Variants in RPS6KC1 observed in about 807,000 individuals in gnomAD.
RPS6KC1 encodes the protein inactive ribosomal protein S6 kinase delta-1.
In RPS6KC1, 54 loss-of-function variants were observed where a neutral mutation model predicts 103.8. The observed-to-expected ratio is 0.52, with a 90% CI of 0.42 to 0.65. The LOEUF (loss-of-function observed/expected upper bound fraction) is 0.65, where lower values mean the gene tolerates loss of function less well. Among genes scored for constraint, RPS6KC1 ranks in the 30% least tolerant of loss-of-function variants. The pLI, the probability that RPS6KC1 is intolerant of heterozygous loss-of-function variation, is 0.00. For missense variants in RPS6KC1, 1,151 were observed against 1,253.8 expected (o/e 0.92, Z 1.24); for synonymous variants, 439 against 438.7 (o/e 1.00, Z -0.01).
the RPS6KC1 span, among the ~76,000 whole-genome samples, chr1:213,374,071 C>T: frequency 3.6e-4 from 55 of 152,236 alleles, no homozygotes; most frequent in Non-Finnish European, 6.3e-4. Flanking sequence ...AAACATAAAG[C>T]CAGGATCTTG....
intron 8 of RPS6KC1, among the ~76,000 whole-genome samples, chr1:213,177,794 C>G (rs2091972861): frequency 6.6e-6 from 1 of 151,970 alleles, no homozygotes; most frequent in Non-Finnish European, 1.5e-5. Flanking sequence ...CAGTGTCTGC[C>G]CCCTCTCTTA....
chr1:213,643,552 AT>A, the RPS6KC1 span, among the ~76,000 whole-genome samples: 2 of 151,400 alleles, frequency 1.3e-5, no homozygotes, highest in Non-Finnish European at 3.0e-5. Flanking sequence ...AATCTTTTAG[AT>A]TGTTTTGATA....
chr1:213,608,413 C>T, the RPS6KC1 span, among the ~76,000 whole-genome samples: 12 of 152,158 alleles, frequency 7.9e-5, no homozygotes, highest in African/African-American at 1.9e-4. Flanking sequence ...ATGAGGCCTC[C>T]GGGGCTGCAC....
the RPS6KC1 span, among the ~76,000 whole-genome samples, chr1:213,755,289 A>G: frequency 6.4e-4 from 98 of 152,340 alleles, no homozygotes; most frequent in South Asian, 4.8e-3. Context: ...ACCTAATGCA[A>G]CTGAAGGCTC....
At chr1:213,147,982 A>T (rs753294398) in intron 6 of RPS6KC1, among the ~76,000 whole-genome samples, 18 of 152,072 alleles carry the variant, frequency 1.2e-4, no homozygotes, top group South Asian at 1.0e-3. Flanking sequence ...TACTTTTTAA[A>T]TTTCTTTCTC....
At chr1:213,644,778 C>T in the RPS6KC1 span, among the ~76,000 whole-genome samples, 4 of 152,140 alleles carry the variant, frequency 2.6e-5, no homozygotes, top group Non-Finnish European at 5.9e-5. Context: ...CTAAATTGCT[C>T]TCATAGAAGT....
At chr1:213,426,588 T>C in the RPS6KC1 span, among the ~76,000 whole-genome samples, 478 of 152,376 alleles carry the variant, frequency 3.1e-3, 1 homozygote, top group Non-Finnish European at 4.9e-3. Context: ...TACTAATGTC[T>C]AATGACTTAA....
Position 213,165,086 on chromosome 1 carries a change from CT to C in RPS6KC1, c.836-2761del, listed in dbSNP as rs1022264648. ...ATATCCTGGAAATCTATAGAGTCAT[CT>C]TTTTTTTTTTCTGGTACTGACAAAC... On this transcript the variant is annotated intron_variant, in intron 6 of 14. Transcript: ENST00000366960. 4.7e-3 allele frequency among the ~76,000 whole-genome samples: 688 copies of C among 146,814 alleles called. 4 individuals are homozygous for C. Among genetic ancestry groups the C allele is most frequent in the African/African-American group, 0.016 (650 of 40,306 alleles).
chr1:213,129,900 A>G lies in RPS6KC1; in HGVS notation c.835+11A>G. 6.4e-7 allele frequency: 1 copy of G among 1,564,442 alleles called. No homozygotes were observed. The highest frequency in any genetic ancestry group is 8.6e-7 in the Non-Finnish European group (1 of 1,164,828). On this transcript the variant is annotated intron_variant, in intron 6 of 14. Coordinates refer to ENST00000366960, the MANE Select transcript of RPS6KC1 (RefSeq NM_012424.6). Reference sequence around the variant, plus strand: ...TAGAAGGTGTTCAAGGTATGGTTTTATGTATATTATGTTTTGGCATGCTCT... The same window carrying G: ...TAGAAGGTGTTCAAGGTATGGTTTTGTGTATATTATGTTTTGGCATGCTCT...
Position 213,157,866 on chromosome 1 carries a change from T to C in RPS6KC1, c.836-9992T>C, listed in dbSNP as rs79407541. Among the ~76,000 whole-genome samples, 104 of 152,334 alleles carry C rather than the reference T, an allele frequency of 6.8e-4. No homozygotes were observed. The East Asian group carries it at 0.018, about 27-fold the overall frequency. On this transcript the variant is annotated intron_variant, in intron 6 of 14. Coordinates refer to ENST00000366960, the MANE Select transcript of RPS6KC1 (RefSeq NM_012424.6). Reference sequence around the variant, plus strand: ...GGAGATCTGTTAGTAGATGCAGGCATGTTTATAGTTATAGTTTCCTGATTA... The same window carrying C: ...GGAGATCTGTTAGTAGATGCAGGCACGTTTATAGTTATAGTTTCCTGATTA...
At chr1:213,533,264 A>G in the RPS6KC1 span, among the ~76,000 whole-genome samples, 939 of 152,272 alleles carry the variant, frequency 6.2e-3, 8 homozygotes, top group African/African-American at 0.022. Flanking sequence ...GGATGCACTG[A>G]TGACTGACTT....
At chr1:213,157,778 T>C (rs565323900) in intron 6 of RPS6KC1, among the ~76,000 whole-genome samples, 180 of 152,336 alleles carry the variant, frequency 1.2e-3, no homozygotes, top group African/African-American at 4.3e-3. Flanking sequence ...TTGAGACATA[T>C]CTGATGAATA....
chr1:213,665,153 A>G, the RPS6KC1 span, among the ~76,000 whole-genome samples: 2 of 152,156 alleles, frequency 1.3e-5, no homozygotes, highest in African/African-American at 4.8e-5. Flanking sequence ...CAAAGCCAGG[A>G]AGAATAAAGG....
chr1:213,145,029 C>T (rs769742675), intron 6 of RPS6KC1, among the ~76,000 whole-genome samples: 5 of 152,076 alleles, frequency 3.3e-5, no homozygotes, highest in Admixed American at 6.6e-5. Context: ...GAGCTGAGAT[C>T]GCGCCACTGC....
At chr1:213,296,188 G>C in the RPS6KC1 span, among the ~76,000 whole-genome samples, 2,636 of 152,296 alleles carry the variant, frequency 0.017, 31 homozygotes, top group Non-Finnish European at 0.025. Context: ...ATTTGGTGCT[G>C]TTGGCATCAT....
chr1:213,077,544 A>C, intron 2 of RPS6KC1, 152 bp from the exon 3 acceptor site: 1 of 399,014 alleles, frequency 2.5e-6, no homozygotes, highest in Non-Finnish European at 4.5e-6. Context: ...AGCAAATATT[A>C]TTAGTTAATT....
chr1:213,329,052 G>GC, the RPS6KC1 span, among the ~76,000 whole-genome samples: 1 of 152,040 alleles, frequency 6.6e-6, no homozygotes, highest in Non-Finnish European at 1.5e-5. Context: ...AAGTGAAGAC[G>GC]TTTTTTTCTG....
intron 6 of RPS6KC1, among the ~76,000 whole-genome samples, chr1:213,148,664 G>A (rs772027794): frequency 6.6e-6 from 1 of 152,032 alleles, no homozygotes; most frequent in African/African-American, 2.4e-5. Flanking sequence ...TCTTTGTCTG[G>A]TTTTGATATC....
the RPS6KC1 span, among the ~76,000 whole-genome samples, chr1:213,663,078 C>A: frequency 6.6e-6 from 1 of 152,218 alleles, no homozygotes; most frequent in African/African-American, 2.4e-5. Context: ...ACTGTCTAAA[C>A]CTCTGTTGCC....
Sources: gnomAD v4.1 joint callset for allele counts (sites outside exome capture counted in the v4.1 genomes callset) on GRCh38, gnomAD v4.1.1 for gene constraint, MANE v1.5 for transcripts, NCBI Gene and HGNC (gene_info 2026-07-23, HGNC 2026-07-21) for gene names.